ADAMTS18: variants seen among roughly 807,000 people sequenced by gnomAD.
ADAMTS18 encodes the protein A disintegrin and metalloproteinase with thrombospondin motifs 18.
A neutral mutation model predicts 165.9 loss-of-function variants in ADAMTS18; 157 were observed. That is an observed-to-expected ratio of 0.95 (90% CI 0.83 to 1.08). The LOEUF (loss-of-function observed/expected upper bound fraction) is 1.08. Ranked by LOEUF, ADAMTS18 falls within the 50% of genes least tolerant of loss-of-function variation. The probability of loss-of-function intolerance (pLI) is 0.00; values close to 1 mark genes in which losing one functional copy is unlikely to be tolerated. For missense variants in ADAMTS18, 2,040 were observed against 1,534.0 expected (o/e 1.33, Z -5.51); for synonymous variants, 782 against 578.2 (o/e 1.35, Z -5.06).
At chr16:77,428,966 G>A (rs1354874140) in intron 3 of ADAMTS18, among the ~76,000 whole-genome samples, 1 of 152,150 alleles carries the variant, frequency 6.6e-6, no homozygotes, top group Non-Finnish European at 1.5e-5. Flanking sequence ...AGAATGTTCA[G>A]TCATAACAGC....
intron 17 of ADAMTS18, among the ~76,000 whole-genome samples, chr16:77,299,672 T>C (rs917227255): frequency 6.6e-6 from 1 of 152,214 alleles, no homozygotes; most frequent in Non-Finnish European, 1.5e-5. Context: ...ATATGTGACA[T>C]TGTTCACATC....
rs181905933 is a variant in ADAMTS18, at chr16:77,282,234, T to C, written c.*1722A>G. ...TAATCCATGGTTTTATTCAACATTT[T>C]ATCTCAAAATATTACTTAGAGAAGC... On this transcript the variant is annotated 3_prime_UTR_variant, in exon 23 of 23. Transcript: ENST00000282849. The C allele has an allele frequency of 1.3e-5, 2 of 152,268 alleles. No individual in the cohort carries two copies. The highest frequency in any genetic ancestry group is 1.3e-4 in the Admixed American group (2 of 15,306). 9.4% of individuals were successfully genotyped at this position (152,268 alleles called of 1,614,324 possible). A position where few individuals can be genotyped will look rare whatever the true frequency, so the allele number is the denominator to read the frequency against.
intron 3 of ADAMTS18, among the ~76,000 whole-genome samples, chr16:77,403,687 C>T (rs1297817394): frequency 6.6e-6 from 1 of 152,150 alleles, no homozygotes; most frequent in East Asian, 1.9e-4. Context: ...TTAGGGGAGA[C>T]TGAGTCATTC....
chr16:77,399,044 C>T (rs1329866209), intron 3 of ADAMTS18, among the ~76,000 whole-genome samples: 1 of 152,182 alleles, frequency 6.6e-6, no homozygotes, highest in African/African-American at 2.4e-5. Context: ...TCTTTTCTTG[C>T]AGGCCAAAAG....
At chr16:77,426,163 A>G (rs1443060213) in intron 3 of ADAMTS18, among the ~76,000 whole-genome samples, 2 of 152,216 alleles carry the variant, frequency 1.3e-5, no homozygotes, top group African/African-American at 4.8e-5. Context: ...AATATGTTAA[A>G]GATGTTTGTT....
intron 3 of ADAMTS18, among the ~76,000 whole-genome samples, chr16:77,407,344 C>T (rs568111414): frequency 1.0e-3 from 152 of 152,104 alleles, no homozygotes; most frequent in Non-Finnish European, 1.9e-3. Flanking sequence ...TAAGACTTAA[C>T]CAAATTAGAT....
chr16:77,358,534 C>T (rs2056665345), intron 8 of ADAMTS18, among the ~76,000 whole-genome samples: 1 of 152,116 alleles, frequency 6.6e-6, no homozygotes, highest in Admixed American at 6.5e-5. Flanking sequence ...TGCACTCCAG[C>T]CGGGGCGACA....
At chr16:77,364,139 A>C in intron 5 of ADAMTS18, 49 bp downstream of exon 5, 1 of 1,609,040 alleles carries the variant, frequency 6.2e-7, no homozygotes, top group Non-Finnish European at 8.5e-7. Flanking sequence ...GAATTCCATG[A>C]CATTTATTTT....
intron 16 of ADAMTS18, among the ~76,000 whole-genome samples, chr16:77,309,643 T>C (rs2055744418): frequency 6.6e-6 from 1 of 152,206 alleles, no homozygotes; most frequent in Non-Finnish European, 1.5e-5. Context: ...CATATAAAAA[T>C]AACCAGAAGC....
intron 3 of ADAMTS18, among the ~76,000 whole-genome samples, chr16:77,377,206 C>A (rs2056966536): frequency 6.6e-6 from 1 of 152,196 alleles, no homozygotes; most frequent in Non-Finnish European, 1.5e-5. Flanking sequence ...ATATACTCTT[C>A]ATTGGTCATA....
intron 20 of ADAMTS18, among the ~76,000 whole-genome samples, chr16:77,292,609 G>A (rs1264968913): frequency 1.3e-5 from 2 of 152,214 alleles, no homozygotes; most frequent in African/African-American, 2.4e-5. Context: ...GTCACTTGAC[G>A]TGTGCTTTCT....
At chr16:77,342,472 G>GACTA in intron 10 of ADAMTS18, among the ~76,000 whole-genome samples, 1 of 152,092 alleles carries the variant, frequency 6.6e-6, no homozygotes, top group East Asian at 1.9e-4. Flanking sequence ...CTGACTGACT[G>GACTA]TAGAGACAGA....
chr16:77,426,848 C>T (rs1010099570), intron 3 of ADAMTS18, among the ~76,000 whole-genome samples: 3 of 152,098 alleles, frequency 2.0e-5, no homozygotes, highest in African/African-American at 4.8e-5. Context: ...CATGGCAAAA[C>T]CTCGCCTCTA....
intron 3 of ADAMTS18, among the ~76,000 whole-genome samples, chr16:77,403,343 G>A (rs752055696): frequency 8.0e-5 from 12 of 149,852 alleles, no homozygotes; most frequent in Non-Finnish European, 1.3e-4. Context: ...ATGAAATTTG[G>A]AGGTAGGCAG....
At chr16:77,369,542 C>T (rs1165976177) in intron 3 of ADAMTS18, among the ~76,000 whole-genome samples, 1 of 152,096 alleles carries the variant, frequency 6.6e-6, no homozygotes, top group African/African-American at 2.4e-5. Context: ...AAAACTGAAA[C>T]ATGAAGAAAC....
intron 10 of ADAMTS18, among the ~76,000 whole-genome samples, chr16:77,349,523 G>GT (rs1214296538): frequency 9.6e-4 from 38 of 39,422 alleles, no homozygotes; most frequent in Middle Eastern, 0.019. Flanking sequence ...GTCATCTTAT[G>GT]TAAAAAAAAA....
intron 3 of ADAMTS18, among the ~76,000 whole-genome samples, chr16:77,408,813 A>T (rs1374243806): frequency 2.0e-5 from 3 of 152,112 alleles, no homozygotes; most frequent in Admixed American, 1.3e-4. Flanking sequence ...CTGAAAATCA[A>T]TTAGCTGTAT....
rs904153330 is a variant in ADAMTS18, at chr16:77,434,735, G to T, written c.-40C>A. 7.9e-6 allele frequency: 11 copies of T among 1,391,574 alleles called. No individual in the cohort carries two copies. Among genetic ancestry groups the T allele is most frequent in the Non-Finnish European group, 1.0e-5 (11 of 1,071,124 alleles). The allele number at this position is 1,391,574 out of a possible 1,614,324, so 86.2% of individuals were successfully genotyped here. ...GCGGCGGCTGCGGGTGGCCAGACGC[G>T]GCAGGCGGAGCGCACGGGCGGCGCG... On this transcript the variant is annotated 5_prime_UTR_variant, in exon 1 of 23. Coordinates refer to ENST00000282849, the MANE Select transcript of ADAMTS18 (RefSeq NM_199355.4).
At position 77,434,862 on chromosome 16, in the gene ADAMTS18, T is replaced by C. The variant is rs2057778562; in HGVS notation, c.-167A>G. The C allele has an allele frequency of 2.0e-6, 1 of 491,130 alleles. No homozygotes were observed. The highest frequency in any genetic ancestry group is 5.9e-5 in the South Asian group (1 of 16,964). 30.4% of individuals were successfully genotyped at this position (491,130 alleles called of 1,614,324 possible). ...GGGGGCGCGCTGGGACCTCCCCTCC[T>C]CCGGCCGCCTGCGCGCCCTCCCTTC... is the stretch of plus-strand genomic sequence containing the variant. On this transcript the variant is annotated 5_prime_UTR_variant, in exon 1 of 23. Coordinates refer to ENST00000282849, the MANE Select transcript of ADAMTS18 (RefSeq NM_199355.4).
Sources: gnomAD v4.1 joint callset for allele counts (sites outside exome capture counted in the v4.1 genomes callset) on GRCh38, gnomAD v4.1.1 for gene constraint, MANE v1.5 for transcripts, NCBI Gene and HGNC (gene_info 2026-07-23, HGNC 2026-07-21) for gene names.